PCDHGA8: variants seen among roughly 807,000 people sequenced by gnomAD.
PCDHGA8 encodes protocadherin gamma-A8.
Under a neutral mutation model 59.2 loss-of-function variants are expected in PCDHGA8, and 45 were observed. The ratio of observed to expected loss-of-function variants is 0.76; its 90% CI spans 0.60 to 0.98. The LOEUF is 0.98. Ranked by LOEUF, PCDHGA8 falls within the 50% of genes least tolerant of loss-of-function variation. The pLI is 0.00. For missense variants in PCDHGA8, 1,257 were observed against 1,196.2 expected (o/e 1.05, Z -0.75); for synonymous variants, 531 against 519.0 (o/e 1.02, Z -0.32).
chr5:141,476,507 A>G lies in PCDHGA8; in HGVS notation c.2425-18300A>G. 1 of 1,614,102 alleles carries G rather than the reference A, an allele frequency of 6.2e-7. No individual in the cohort carries two copies. The highest frequency in any genetic ancestry group is 8.5e-7 in the Non-Finnish European group (1 of 1,180,008). On this transcript the variant is annotated intron_variant, in intron 1 of 3. Transcript: ENST00000398604. This position sits in a 1 kb window ranked among gnomAD's most constrained non-coding sequence, Gnocchi z 7.6. Reference sequence around the variant, plus strand: ...AGTGGTGATCCAGGACATCAACGACAACAATCCTGCTTTCCCTACCCAGGA... The same window carrying G: ...AGTGGTGATCCAGGACATCAACGACGACAATCCTGCTTTCCCTACCCAGGA...
At chr5:141,482,343 A>G (rs1016179369) in intron 1 of PCDHGA8, among the ~76,000 whole-genome samples, 3 of 152,126 alleles carry the variant, frequency 2.0e-5, no homozygotes, top group Non-Finnish European at 2.9e-5. Flanking sequence ...TACTTTGCAA[A>G]CTTGTTGTGA....
At position 141,484,465 on chromosome 5, in the gene PCDHGA8, A is replaced by G. The variant is rs2099596840; in HGVS notation, c.2425-10342A>G. On this transcript the variant is annotated intron_variant, in intron 1 of 3. Coordinates refer to ENST00000398604, the MANE Select transcript of PCDHGA8 (RefSeq NM_032088.2). ...ATTTAATTGGCTACGTTAATGTGTA[A>G]GCCTTTTCTGCAAAGAGATGGATCC... is the stretch of plus-strand genomic sequence containing the variant. Among the ~76,000 whole-genome samples, 4 of 152,236 alleles carry G rather than the reference A, an allele frequency of 2.6e-5. No individual in the cohort carries two copies. In the South Asian group the frequency reaches 6.2e-4, roughly 24 times the overall value.
At position 141,394,998 on chromosome 5, in the gene PCDHGA8, G is replaced by T. The variant is rs774774010; in HGVS notation, c.2185G>T (p.Gly729Cys). The change falls in exon 1 of 4, where the codon GGT becomes TGT. Residue 729 changes from glycine to cysteine, a missense_variant. Transcript: ENST00000398604. ...WHKSRLLQDS[G>C]GRLVGVPASH... ...CAAGTCACGCCTGCTCCAGGATTCC[G>T]GTGGCAGATTGGTAGGCGTGCCTGC... The T allele has an allele frequency of 2.7e-5, 44 of 1,613,892 alleles. No homozygotes were observed. Among genetic ancestry groups the T allele is most frequent in the Non-Finnish European group, 3.1e-5 (36 of 1,179,930 alleles).
At position 141,476,128 on chromosome 5, in the gene PCDHGA8, G is replaced by A. The variant is rs1450094771; in HGVS notation, c.2425-18679G>A. 1 of 1,606,456 alleles carries A rather than the reference G, an allele frequency of 6.2e-7. No homozygotes were observed. Among genetic ancestry groups the A allele is most frequent in the African/African-American group, 1.3e-5 (1 of 74,874 alleles). On this transcript the variant is annotated intron_variant, in intron 1 of 3. Transcript: ENST00000398604. The surrounding 1 kb of genome is among the most constrained non-coding windows in gnomAD (Gnocchi z 7.6). ...TGCTTTTGAGTGAGATGGTCCCAGA[G>A]GCCTGGAGGAGCGGACTGGTAAGCA...
chr5:141,403,945 A>G (rs745421734), intron 1 of PCDHGA8: 48 of 1,613,810 alleles, frequency 3.0e-5, no homozygotes, highest in Non-Finnish European at 3.9e-5. Context: ...AAGGGTGGAC[A>G]AAAGTGCTCA....
At chr5:141,401,919 G>A (rs2150915658) in intron 1 of PCDHGA8, among the ~76,000 whole-genome samples, 1 of 152,224 alleles carries the variant, frequency 6.6e-6, no homozygotes, top group Non-Finnish European at 1.5e-5. Context: ...ATAAGTTTAA[G>A]TGATGCTTAG....
chr5:141,430,471 T>TA (rs759564776), intron 1 of PCDHGA8: 176 of 234,152 alleles, frequency 7.5e-4, no homozygotes, highest in Non-Finnish European at 1.1e-3. Context: ...TGGAGCTATT[T>TA]AAGATATAAA....
intron 1 of PCDHGA8, chr5:141,442,490 T>C (rs2098328971): frequency 6.6e-6 from 1 of 152,222 alleles, no homozygotes; most frequent in South Asian, 2.1e-4. Flanking sequence ...AAGGGGATGA[T>C]TGTGATTATT....
intron 1 of PCDHGA8, chr5:141,422,347 G>A (rs1456770985): frequency 3.9e-6 from 6 of 1,553,980 alleles, no homozygotes; most frequent in Non-Finnish European, 5.2e-6. Context: ...AAATGTGCAA[G>A]ATCAAGATTC....
chr5:141,415,227 T>A, intron 1 of PCDHGA8: 2 of 1,614,126 alleles, frequency 1.2e-6, no homozygotes, highest in African/African-American at 2.7e-5. Context: ...GCTTCGAGTC[T>A]CCAGCTAACT....
intron 1 of PCDHGA8, chr5:141,419,444 G>A: frequency 6.2e-7 from 1 of 1,613,088 alleles, no homozygotes; most frequent in Non-Finnish European, 8.5e-7. Context: ...GCGCACCTTC[G>A]AGCTCACGCT....
At position 141,394,952 on chromosome 5, in the gene PCDHGA8, G is replaced by A. The variant is rs764724660; in HGVS notation, c.2139G>A (p.Gly713=). The A allele has an allele frequency of 8.1e-6, 13 of 1,613,738 alleles. No homozygotes were observed. The highest frequency in any genetic ancestry group is 6.7e-5 in the African/African-American group (5 of 74,940). The stretch of plus-strand genomic sequence containing the variant: ...TCGCCTTTGTCGCTGTGCTTCTGGG[G>A]CTCAGGCTGAGGCGCTGGCACAAGT... ...VFLAFVAVLL[G]LRLRRWHKSR... The change falls in exon 1 of 4, where the codon GGG becomes GGA. Residue 713 remains glycine (G), a synonymous_variant. Transcript: ENST00000398604.
chr5:141,505,381 C>T lies in PCDHGA8; in HGVS notation c.2484-12C>T. On this transcript the variant is annotated splice_polypyrimidine_tract_variant and intron_variant, in intron 2 of 3. Transcript: ENST00000398604. Reference sequence around the variant, plus strand: ...CTGGGAGTCTGTGCTCACCATCCTACTCTCTCCCCAGCTCCCAAAATGGCG... The same window carrying T: ...CTGGGAGTCTGTGCTCACCATCCTATTCTCTCCCCAGCTCCCAAAATGGCG... 1 of 1,614,064 alleles carries T rather than the reference C, an allele frequency of 6.2e-7. No homozygotes were observed.
In PCDHGA8 at chr5:141,432,122, G is replaced by C; in HGVS notation, c.2424+36885G>C. On this transcript the variant is annotated intron_variant, in intron 1 of 3. Transcript: ENST00000398604. This position sits in a 1 kb window ranked among gnomAD's most constrained non-coding sequence, Gnocchi z 6.0. ...CGACAACCCGCCGGTCTTCCCTCAG[G>C]CCTCCTATTCCGCTTATATCCCAGA... 6.2e-7 allele frequency: 1 copy of C among 1,614,052 alleles called. No homozygotes were observed. Among genetic ancestry groups the C allele is most frequent in the Non-Finnish European group, 8.5e-7 (1 of 1,180,022 alleles).
In PCDHGA8 at chr5:141,512,243, C is replaced by T. The variant is rs1205585993; in HGVS notation, c.*1070C>T. ...AGGTCCCCTTGAGAGGTCAGAGGGG[C>T]CTCTGTGGGTGCTGGGTACTCCAGA... On this transcript the variant is annotated 3_prime_UTR_variant, in exon 4 of 4. Transcript: ENST00000398604. 2 of 152,728 alleles carry T rather than the reference C, an allele frequency of 1.3e-5. No homozygotes were observed. The highest frequency in any genetic ancestry group is 1.5e-5 in the Non-Finnish European group (1 of 68,138). 9.5% of individuals were successfully genotyped at this position (152,728 alleles called of 1,614,324 possible).
intron 1 of PCDHGA8, chr5:141,413,123 AAACACAC>A (rs2095606041): frequency 2.0e-6 from 3 of 1,526,818 alleles, no homozygotes; most frequent in Middle Eastern, 3.6e-4. Context: ...GAACCGGTTG[AAACACAC>A]AACGTGTCCA....
intron 1 of PCDHGA8, among the ~76,000 whole-genome samples, chr5:141,461,181 A>T (rs1322465700): frequency 1.3e-5 from 2 of 152,104 alleles, no homozygotes; most frequent in Non-Finnish European, 2.9e-5. Flanking sequence ...ATTGAATGGT[A>T]GATCTGTTTT....
Position 141,489,072 on chromosome 5 carries a change from AC to A in PCDHGA8, c.2425-5730del. The A allele has an allele frequency of 6.3e-6, 1 of 157,708 alleles. No individual in the cohort carries two copies. The highest frequency in any genetic ancestry group is 1.2e-5 in the Non-Finnish European group (1 of 83,994). The allele number at this position is 157,708 out of a possible 1,614,324, so 9.8% of individuals were successfully genotyped here. On this transcript the variant is annotated intron_variant, in intron 1 of 3. Coordinates refer to ENST00000398604, the MANE Select transcript of PCDHGA8 (RefSeq NM_032088.2). This position sits in a 1 kb window ranked among gnomAD's most constrained non-coding sequence, Gnocchi z 4.5. ...AATTCAGCTCCCCTCCCCCCTGCCC[AC>A]CCCCGCCACTCGGTGACTAAGAACT...
chr5:141,487,667 A>G lies in PCDHGA8; in HGVS notation c.2425-7140A>G, dbSNP rs2099657916. ...GCTTGAGGGTTATTCTGATCCAGGC[A>G]TATGGCTAGGCCATGTCCTAGAGAG... On this transcript the variant is annotated intron_variant, in intron 1 of 3. Transcript: ENST00000398604. This position sits in a 1 kb window ranked among gnomAD's most constrained non-coding sequence, Gnocchi z 5.0. 6.2e-7 allele frequency: 1 copy of G among 1,612,782 alleles called. No individual in the cohort carries two copies. The highest frequency in any genetic ancestry group is 1.1e-5 in the South Asian group (1 of 90,692).
Sources: allele counts gnomAD v4.1 joint callset (sites outside exome capture counted in the v4.1 genomes callset), GRCh38; gene constraint gnomAD v4.1.1; non-coding constraint Gnocchi (gnomAD v3.1); transcripts MANE v1.5; gene names NCBI Gene and HGNC (gene_info 2026-07-23, HGNC 2026-07-21).